RAB3IL1: variants seen among roughly 807,000 people sequenced by gnomAD.
RAB3IL1 encodes guanine nucleotide exchange factor for Rab-3A.
Under a neutral mutation model 49.2 loss-of-function variants are expected in RAB3IL1, and 37 were observed. That is an observed-to-expected ratio of 0.75 (90% CI 0.58 to 0.99). The LOEUF (loss-of-function observed/expected upper bound fraction) is 0.99, where lower values mean the gene tolerates loss of function less well. Ranked by LOEUF, RAB3IL1 falls within the 50% of genes least tolerant of loss-of-function variation. The pLI, the probability that RAB3IL1 is intolerant of heterozygous loss-of-function variation, is 0.00. For missense variants in RAB3IL1, 484 were observed against 513.0 expected (o/e 0.94, Z 0.55); for synonymous variants, 193 against 213.9 (o/e 0.90, Z 0.85).
At chr11:61,918,931 C>G (rs1217158339), upstream of RAB3IL1, among the ~76,000 whole-genome samples, 1 of 152,184 alleles carries the variant, frequency 6.6e-6, no homozygotes, top group Non-Finnish European at 1.5e-5. Flanking sequence ...CAGGGATTCT[C>G]TCTTTCTTGG....
the RAB3IL1 span, among the ~76,000 whole-genome samples, chr11:61,946,249 C>T: frequency 6.6e-6 from 1 of 152,174 alleles, no homozygotes; most frequent in East Asian, 1.9e-4. Context: ...TACCCCGGGG[C>T]CCCCTGCCTA....
Position 61,898,197 on chromosome 11 carries a change from C to A in RAB3IL1, c.*81G>T. ...CTCTGGCTCAGGGCTGGCTCCAGGCCCCCGTCTCCCTGTGTGTCGGCTTGT... is the reference window on the plus strand; with the variant it reads ...CTCTGGCTCAGGGCTGGCTCCAGGCACCCGTCTCCCTGTGTGTCGGCTTGT... On this transcript the variant is annotated 3_prime_UTR_variant, in exon 10 of 10. Transcript: ENST00000394836. The surrounding 1 kb of genome is among the most constrained non-coding windows in gnomAD (Gnocchi z 5.1). The A allele has an allele frequency of 7.4e-7, 1 of 1,354,012 alleles. No individual in the cohort carries two copies. The highest frequency in any genetic ancestry group is 2.3e-5 in the East Asian group (1 of 43,594). The allele number at this position is 1,354,012 out of a possible 1,614,324, so 83.9% of individuals were successfully genotyped here.
At chr11:61,917,241 C>A in intron 1 of RAB3IL1, 116 bp downstream of exon 1, 1 of 1,285,396 alleles carries the variant, frequency 7.8e-7, no homozygotes, top group Non-Finnish European at 9.9e-7. Flanking sequence ...AGGGCGGGGG[C>A]GCACAGCACC....
chr11:61,932,413 T>TA, the RAB3IL1 span, among the ~76,000 whole-genome samples: 3 of 152,110 alleles, frequency 2.0e-5, no homozygotes, highest in African/African-American at 7.3e-5. Flanking sequence ...TTCTGGTTTA[T>TA]AAAAAAATTA....
At chr11:61,935,887 T>C in the RAB3IL1 span, among the ~76,000 whole-genome samples, 1 of 151,318 alleles carries the variant, frequency 6.6e-6, no homozygotes, top group Non-Finnish European at 1.5e-5. Context: ...AAATATAGAG[T>C]ATAAATAAAG....
At chr11:61,925,385 G>A in the RAB3IL1 span, among the ~76,000 whole-genome samples, 4 of 152,284 alleles carry the variant, frequency 2.6e-5, no homozygotes, top group Admixed American at 2.6e-4. Flanking sequence ...GTAATTCCCA[G>A]CACTTTGGGA....
chr11:61,934,450 GTATATATATATATATATATATATATATA>G, the RAB3IL1 span, among the ~76,000 whole-genome samples: 7 of 31,622 alleles, frequency 2.2e-4, no homozygotes, highest in South Asian at 2.5e-3. Context: ...GTGTGTGTAT[GTATATATATATATATATATATATATATA>G]TATATATATA....
the RAB3IL1 span, among the ~76,000 whole-genome samples, chr11:61,938,932 A>T: frequency 6.0e-5 from 9 of 150,720 alleles, no homozygotes; most frequent in Admixed American, 3.3e-4. Context: ...CTCAAAAAAT[A>T]AAAAAAAGTA....
At chr11:61,918,991 C>G (rs1255423065), upstream of RAB3IL1, among the ~76,000 whole-genome samples, 1 of 152,218 alleles carries the variant, frequency 6.6e-6, no homozygotes, top group Non-Finnish European at 1.5e-5. Flanking sequence ...TCTGGCCCAC[C>G]CAAAGCAGAT....
chr11:61,902,670 G>T, intron 7 of RAB3IL1, 129 bp from the exon 8 acceptor site: 1 of 823,426 alleles, frequency 1.2e-6, no homozygotes, highest in African/African-American at 1.7e-5. Flanking sequence ...CCCCCACCCG[G>T]CTTCCAAAGG....
upstream of RAB3IL1, among the ~76,000 whole-genome samples, chr11:61,924,110 G>C (rs1414091664): frequency 6.6e-6 from 1 of 152,206 alleles, no homozygotes; most frequent in African/African-American, 2.4e-5. Context: ...ATTCACAACA[G>C]ACCTCCTTCG....
the RAB3IL1 span, among the ~76,000 whole-genome samples, chr11:61,943,216 T>C: frequency 6.6e-6 from 1 of 152,208 alleles, no homozygotes; most frequent in East Asian, 1.9e-4. Context: ...TTTCAACATG[T>C]ATGCCAAGAC....
chr11:61,943,374 C>T, the RAB3IL1 span, among the ~76,000 whole-genome samples: 84 of 152,104 alleles, frequency 5.5e-4, no homozygotes, highest in African/African-American at 2.0e-3. Flanking sequence ...AGAACTAAAG[C>T]GATAGAAGTT....
At chr11:61,922,384 T>C (rs1264592100), upstream of RAB3IL1, among the ~76,000 whole-genome samples, 1 of 150,672 alleles carries the variant, frequency 6.6e-6, no homozygotes, top group Non-Finnish European at 1.5e-5. Context: ...TAGCCGGGGG[T>C]GGTGGCGCAT....
chr11:61,902,180 G>A (rs1007877361), intron 8 of RAB3IL1, among the ~76,000 whole-genome samples: 1 of 152,210 alleles, frequency 6.6e-6, no homozygotes, highest in Non-Finnish European at 1.5e-5. Flanking sequence ...TGGGCGTGGT[G>A]GCACATGCCT....
At chr11:61,909,982 T>C (rs914125810) in intron 1 of RAB3IL1, among the ~76,000 whole-genome samples, 1 of 152,234 alleles carries the variant, frequency 6.6e-6, no homozygotes, top group African/African-American at 2.4e-5. Flanking sequence ...ATTGTGCCAC[T>C]GCACTCCAGC....
intron 1 of RAB3IL1, among the ~76,000 whole-genome samples, chr11:61,914,938 G>C (rs1356288185): frequency 1.3e-5 from 2 of 152,156 alleles, no homozygotes; most frequent in African/African-American, 4.8e-5. Flanking sequence ...GTATGACTCT[G>C]AACAGGACAC....
rs1938680153 is a variant in RAB3IL1, at chr11:61,897,462, GC to G, written c.*815del. The G allele has an allele frequency of 2.0e-5, 3 of 152,428 alleles. No homozygotes were observed. Among genetic ancestry groups the G allele is most frequent in the Admixed American group, 2.0e-4 (3 of 15,276 alleles). The allele number at this position is 152,428 out of a possible 1,614,324, so 9.4% of individuals were successfully genotyped here. ...GCCCAGGTCCTGCCTGCCCACCCAGGCCCCACATGCCAGGGCGCGTGTCTGC... is the reference window on the plus strand; with the variant it reads ...GCCCAGGTCCTGCCTGCCCACCCAGGCCCACATGCCAGGGCGCGTGTCTGC... On this transcript the variant is annotated 3_prime_UTR_variant, in exon 10 of 10. Coordinates refer to ENST00000394836, the MANE Select transcript of RAB3IL1 (RefSeq NM_013401.4).
the RAB3IL1 span, among the ~76,000 whole-genome samples, chr11:61,927,674 T>G: frequency 0.1 from 15,490 of 150,458 alleles, 1,458 homozygotes; most frequent in East Asian, 0.57. Context: ...CTGGTGGGAG[T>G]TGACTGGGTC....
Sources: allele counts gnomAD v4.1 joint callset (sites outside exome capture counted in the v4.1 genomes callset), GRCh38; gene constraint gnomAD v4.1.1; non-coding constraint Gnocchi (gnomAD v3.1); transcripts MANE v1.5; gene names NCBI Gene and HGNC (gene_info 2026-07-23, HGNC 2026-07-21).